PPARGC1A: variants seen among roughly 807,000 people sequenced by gnomAD.
The protein encoded by PPARGC1A is PPARG coactivator 1 alpha.
Under a neutral mutation model 88.7 loss-of-function variants are expected in PPARGC1A, and 25 were observed. That is an observed-to-expected ratio of 0.28 (90% CI 0.21 to 0.39). PPARGC1A has a LOEUF of 0.39. PPARGC1A is among the 10% of genes least tolerant of loss of function. The pLI, the probability that PPARGC1A is intolerant of heterozygous loss-of-function variation, is 1.00. For missense variants in PPARGC1A, 880 were observed against 968.7 expected, an observed-to-expected ratio of 0.91 and a Z score of 1.22; for synonymous variants, 363 against 355.6, an observed-to-expected ratio of 1.02 and a Z score of -0.24.
At chr4:23,806,345 A>T (rs1434287450) in intron 10 of PPARGC1A, among the ~76,000 whole-genome samples, 1 of 152,226 alleles carries the variant, frequency 6.6e-6, no homozygotes, top group African/African-American at 2.4e-5. Context: ...TCTTTTAAAC[A>T]TGTTGCAGTT....
chr4:23,799,172 A>G (rs1260205605), intron 12 of PPARGC1A, among the ~76,000 whole-genome samples: 1 of 152,160 alleles, frequency 6.6e-6, no homozygotes, highest in Admixed American at 6.6e-5. Context: ...AACACTGAAT[A>G]TGGTGAGCAC....
At chr4:24,085,263 A>C in the PPARGC1A span, among the ~76,000 whole-genome samples, 1 of 152,212 alleles carries the variant, frequency 6.6e-6, no homozygotes, top group African/African-American at 2.4e-5. Flanking sequence ...TATTTGGTAC[A>C]TTTCAAAACC....
At chr4:24,235,120 C>T in the PPARGC1A span, among the ~76,000 whole-genome samples, 1 of 152,052 alleles carries the variant, frequency 6.6e-6, no homozygotes, top group Non-Finnish European at 1.5e-5. Flanking sequence ...CACCAAGGTA[C>T]CTAGAATCTA....
the PPARGC1A span, among the ~76,000 whole-genome samples, chr4:24,455,094 G>A: frequency 6.6e-6 from 1 of 152,100 alleles, no homozygotes; most frequent in Non-Finnish European, 1.5e-5. Flanking sequence ...AACAAATAGG[G>A]CTGATAAGAG....
At chr4:23,820,100 G>A (rs933370293) in intron 7 of PPARGC1A, among the ~76,000 whole-genome samples, 1 of 152,086 alleles carries the variant, frequency 6.6e-6, no homozygotes, top group Admixed American at 6.6e-5. Context: ...TTACAAATTG[G>A]TTAATGAGTA....
chr4:24,066,101 T>G, the PPARGC1A span, among the ~76,000 whole-genome samples: 1 of 151,904 alleles, frequency 6.6e-6, no homozygotes, highest in Non-Finnish European at 1.5e-5. Flanking sequence ...GTGCCTTCAG[T>G]CTCCTCGGTG....
rs114085776 is a variant in PPARGC1A at position 23,837,950 on chromosome 4, T to C, written c.235-6199A>G. ...AGATTTTGGTTCTGATGCATAAAGT[T>C]TGATTCAATATTTATAAGAAAGTAA... On this transcript the variant is annotated intron_variant, in intron 2 of 12. Transcript: ENST00000264867. Among the ~76,000 whole-genome samples, 888 of 152,322 alleles carry C rather than the reference T, an allele frequency of 5.8e-3. 7 individuals are homozygous for C. Among genetic ancestry groups the C allele is most frequent in the African/African-American group, 0.02 (831 of 41,566 alleles).
chr4:24,405,849 C>T, the PPARGC1A span, among the ~76,000 whole-genome samples: 1 of 152,090 alleles, frequency 6.6e-6, no homozygotes, highest in Non-Finnish European at 1.5e-5. Context: ...CTTCACTCTC[C>T]CCTTTCTTTT....
chr4:23,975,632 G>A, the PPARGC1A span, among the ~76,000 whole-genome samples: 1 of 152,210 alleles, frequency 6.6e-6, no homozygotes, highest in African/African-American at 2.4e-5. Flanking sequence ...TGGCCAGGCT[G>A]GTCTTGAACT....
chr4:24,015,063 G>A, the PPARGC1A span, among the ~76,000 whole-genome samples: 1 of 152,110 alleles, frequency 6.6e-6, no homozygotes, highest in Non-Finnish European at 1.5e-5. Context: ...AAAATGGGTG[G>A]AGAAGGCAGG....
chr4:24,064,841 T>C, the PPARGC1A span, among the ~76,000 whole-genome samples: 1 of 152,152 alleles, frequency 6.6e-6, no homozygotes, highest in Non-Finnish European at 1.5e-5. Context: ...TCTGCCCCTT[T>C]CCTTTCTAAT....
chr4:24,209,708 G>A, the PPARGC1A span, among the ~76,000 whole-genome samples: 1 of 152,152 alleles, frequency 6.6e-6, no homozygotes. Context: ...AGAAAACAGT[G>A]TGTCTTCCAT....
chr4:23,990,975 T>C, the PPARGC1A span, among the ~76,000 whole-genome samples: 7 of 128,258 alleles, frequency 5.5e-5, no homozygotes, highest in Admixed American at 5.1e-4. Context: ...CTACAAGAGT[T>C]TGGAAGCTGC....
chr4:24,286,837 G>A, the PPARGC1A span, among the ~76,000 whole-genome samples: 1 of 152,136 alleles, frequency 6.6e-6, no homozygotes, highest in African/African-American at 2.4e-5. Flanking sequence ...AAGGCTACAA[G>A]CAAGATGCTG....
At chr4:23,849,210 A>C (rs1728841773) in intron 2 of PPARGC1A, among the ~76,000 whole-genome samples, 1 of 152,182 alleles carries the variant, frequency 6.6e-6, no homozygotes, top group Admixed American at 6.5e-5. Context: ...ACTGAGCATA[A>C]AGAGCACCGT....
chr4:23,917,801 C>A, the PPARGC1A span, among the ~76,000 whole-genome samples: 1 of 152,198 alleles, frequency 6.6e-6, no homozygotes, highest in African/African-American at 2.4e-5. Context: ...GAAAATTAAA[C>A]CTGCCATATT....
At chr4:24,160,002 C>T in the PPARGC1A span, among the ~76,000 whole-genome samples, 1 of 152,310 alleles carries the variant, frequency 6.6e-6, no homozygotes, top group South Asian at 2.1e-4. Context: ...CAAGATTAGA[C>T]TTTGGAAGTA....
chr4:24,160,560 A>G, the PPARGC1A span, among the ~76,000 whole-genome samples: 1 of 152,108 alleles, frequency 6.6e-6, no homozygotes, highest in East Asian at 1.9e-4. Flanking sequence ...TTCAAAGAGG[A>G]ATGCTTTCTA....
At chr4:24,107,737 T>C in the PPARGC1A span, among the ~76,000 whole-genome samples, 1 of 152,154 alleles carries the variant, frequency 6.6e-6, no homozygotes, top group African/African-American at 2.4e-5. Flanking sequence ...CTGCAGGCAA[T>C]AGGGAGCCAT....
Sources: gnomAD v4.1 joint callset for allele counts (sites outside exome capture counted in the v4.1 genomes callset) on GRCh38, gnomAD v4.1.1 for gene constraint, MANE v1.5 for transcripts, NCBI Gene and HGNC (gene_info 2026-07-23, HGNC 2026-07-21) for gene names.